CA10: variants seen among roughly 807,000 people sequenced by gnomAD.
CA10 encodes carbonic anhydrase 10 (inactive), also known as carbonic anhydrase-related protein 10.
A neutral mutation model predicts 44.2 loss-of-function variants in CA10; 14 were observed. The observed-to-expected ratio is 0.32, with a 90% confidence interval of 0.21 to 0.50. The LOEUF is 0.50. CA10 is among the 20% of genes least tolerant of loss of function. CA10 has a pLI of 0.99. For missense variants in CA10, 350 were observed against 409.7 expected, an observed-to-expected ratio of 0.85 and a Z score of 1.26; for synonymous variants, 159 against 141.6, an observed-to-expected ratio of 1.12 and a Z score of -0.87.
intron 2 of CA10, among the ~76,000 whole-genome samples, chr17:51,981,692 C>G (rs1984659693): frequency 6.6e-6 from 1 of 151,990 alleles, no homozygotes; most frequent in Admixed American, 6.6e-5. Flanking sequence ...CAAGACTACC[C>G]ATGTGATTAG....
chr17:51,805,298 G>A (rs758307895), intron 3 of CA10, among the ~76,000 whole-genome samples: 7 of 152,192 alleles, frequency 4.6e-5, no homozygotes, highest in African/African-American at 7.2e-5. Context: ...GTGTGCTAGC[G>A]ATTGGGGATT....
intron 3 of CA10, among the ~76,000 whole-genome samples, chr17:51,865,998 C>T (rs1002111322): frequency 2.0e-5 from 3 of 152,198 alleles, no homozygotes; most frequent in Non-Finnish European, 4.4e-5. Flanking sequence ...GAGCTGTTGG[C>T]TTCCCTCATC....
intron 2 of CA10, among the ~76,000 whole-genome samples, chr17:52,015,878 C>T (rs1401800533): frequency 6.6e-6 from 1 of 152,060 alleles, no homozygotes; most frequent in Admixed American, 6.6e-5. Context: ...TTTATTTAAA[C>T]AAATCAGATA....
chr17:51,672,120 A>G (rs1267214309), intron 4 of CA10, among the ~76,000 whole-genome samples: 1 of 152,190 alleles, frequency 6.6e-6, no homozygotes, highest in Non-Finnish European at 1.5e-5. Flanking sequence ...AACACCTAGT[A>G]TCCACCAGAC....
intron 4 of CA10, among the ~76,000 whole-genome samples, chr17:51,720,352 C>A (rs1916315032): frequency 6.6e-6 from 1 of 152,058 alleles, no homozygotes; most frequent in Non-Finnish European, 1.5e-5. Context: ...ATAATGAACA[C>A]TTTTAATCAT....
intron 3 of CA10, among the ~76,000 whole-genome samples, chr17:51,807,340 G>C (rs1051673970): frequency 2.6e-5 from 4 of 152,190 alleles, no homozygotes; most frequent in African/African-American, 9.7e-5. Flanking sequence ...CAGGTATTTA[G>C]TCAGAAGGCC....
intron 4 of CA10, among the ~76,000 whole-genome samples, chr17:51,737,960 G>A (rs971177456): frequency 6.6e-5 from 10 of 152,118 alleles, no homozygotes; most frequent in African/African-American, 2.2e-4. Context: ...AGGCTGCTTC[G>A]GCTAAATATT....
Position 51,682,209 on chromosome 17 carries a change from G to A in CA10, c.466-28473C>T, listed in dbSNP as rs565736167. 3.3e-5 allele frequency among the ~76,000 whole-genome samples: 5 copies of A among 152,312 alleles called. No homozygotes were observed. In the East Asian group the frequency reaches 5.8e-4, roughly 18 times the overall value. On this transcript the variant is annotated intron_variant, in intron 4 of 8. Transcript: ENST00000451037. ...GCCATGAAGTGGCCATTTGTTTTCC[G>A]GGCAGAGTCTGCCATCGGGTTTCTA...
chr17:51,755,131 G>A (rs1027115762), intron 3 of CA10, among the ~76,000 whole-genome samples: 2 of 152,124 alleles, frequency 1.3e-5, no homozygotes, highest in Non-Finnish European at 2.9e-5. Flanking sequence ...CTGAATGATA[G>A]AACAATTATA....
chr17:51,923,595 A>G (rs1317509929), intron 3 of CA10, among the ~76,000 whole-genome samples: 1 of 152,202 alleles, frequency 6.6e-6, no homozygotes, highest in Admixed American at 6.6e-5. Flanking sequence ...AGGTTTCAGA[A>G]CATAGCAATG....
intron 4 of CA10, among the ~76,000 whole-genome samples, chr17:51,685,652 GAACA>G (rs1437877838): frequency 6.6e-6 from 1 of 152,120 alleles, no homozygotes; most frequent in Non-Finnish European, 1.5e-5. Flanking sequence ...ATATGTCTTG[GAACA>G]AACAATCAGA....
At chr17:51,913,901 A>G (rs975968346) in intron 3 of CA10, among the ~76,000 whole-genome samples, 2 of 152,134 alleles carry the variant, frequency 1.3e-5, no homozygotes, top group Non-Finnish European at 2.9e-5. Context: ...CAAATCTTAA[A>G]TTTCCATCTA....
At chr17:52,039,527 C>T (rs1241538851) in intron 2 of CA10, among the ~76,000 whole-genome samples, 2 of 152,014 alleles carry the variant, frequency 1.3e-5, no homozygotes, top group African/African-American at 2.4e-5. Flanking sequence ...CTCTGCTACC[C>T]ATATATCATT....
At chr17:52,029,125 A>T (rs1314857501) in intron 2 of CA10, among the ~76,000 whole-genome samples, 1 of 152,172 alleles carries the variant, frequency 6.6e-6, no homozygotes, top group Non-Finnish European at 1.5e-5. Flanking sequence ...TGATAAGTTA[A>T]TTCTACAACT....
intron 4 of CA10, among the ~76,000 whole-genome samples, chr17:51,707,671 A>ATGTGTGTG (rs3031847): frequency 0.048 from 6,813 of 142,924 alleles, 428 homozygotes; most frequent in African/African-American, 0.14. Context: ...GTGGATGAAT[A>ATGTGTGTG]TGTGTGTGTG....
chr17:51,835,540 T>C (rs535137016), intron 3 of CA10, among the ~76,000 whole-genome samples: 1 of 152,332 alleles, frequency 6.6e-6, no homozygotes, highest in East Asian at 1.9e-4. Context: ...GAAAGCAAAC[T>C]AGCAGAAGGC....
At chr17:52,075,762 A>G (rs1179651441) in intron 1 of CA10, among the ~76,000 whole-genome samples, 1 of 152,148 alleles carries the variant, frequency 6.6e-6, no homozygotes, top group Non-Finnish European at 1.5e-5. Flanking sequence ...TAAAGGTGCT[A>G]TTTATAGTAC....
intron 8 of CA10, among the ~76,000 whole-genome samples, chr17:51,632,542 G>T (rs1292494892): frequency 1.3e-5 from 2 of 152,204 alleles, no homozygotes; most frequent in Non-Finnish European, 1.5e-5. Context: ...TATTTGGGGA[G>T]CATGTTATTG....
intron 3 of CA10, among the ~76,000 whole-genome samples, chr17:51,905,062 C>T (rs1364966282): frequency 6.6e-6 from 1 of 152,178 alleles, no homozygotes; most frequent in Admixed American, 6.5e-5. Context: ...GTAAGGCATA[C>T]AAGAATTTCA....
Sources: allele counts gnomAD v4.1 joint callset (sites outside exome capture counted in the v4.1 genomes callset), GRCh38; gene constraint gnomAD v4.1.1; transcripts MANE v1.5; gene names NCBI Gene and HGNC (gene_info 2026-07-23, HGNC 2026-07-21).